The following CFAP298 variants were observed in gnomAD, a reference collection of about 807,000 sequenced individuals.
The protein encoded by CFAP298 is cilia- and flagella-associated protein 298.
Under a neutral mutation model 41.0 loss-of-function variants are expected in CFAP298, and 38 were observed. The observed-to-expected ratio is 0.93, with a 90% CI of 0.72 to 1.22. The LOEUF (loss-of-function observed/expected upper bound fraction) is 1.22, where lower values mean the gene tolerates loss of function less well. Among genes scored for constraint, CFAP298 ranks in the 50% most tolerant of loss-of-function variants. CFAP298 has a pLI of 0.00. For missense variants in CFAP298, 348 were observed against 360.3 expected (o/e 0.97, Z 0.28); for synonymous variants, 137 against 135.3 (o/e 1.01, Z -0.09).
chr21:32,600,816 G>C lies in CFAP298; in HGVS notation c.*1047C>G, dbSNP rs1328892908. ...AATCATCACCCTCTACCGGGATCTG[G>C]ATTTGTTTTCAGGATCTATTCTCAT... On this transcript the variant is annotated 3_prime_UTR_variant, in exon 7 of 7. Transcript: ENST00000290155. 6.6e-6 allele frequency among the ~76,000 whole-genome samples: 1 copy of C among 152,192 alleles called. No individual in the cohort carries two copies. The highest frequency in any genetic ancestry group is 1.5e-5 in the Non-Finnish European group (1 of 68,028).
At chr21:32,602,417 G>C in intron 5 of CFAP298, 50 bp from the exon 6 acceptor site, 1 of 1,581,292 alleles carries the variant, frequency 6.3e-7, no homozygotes. Context: ...TTCTTAGAGT[G>C]ACAATCCTGA....
At chr21:32,604,074 T>C in intron 4 of CFAP298, 51 bp downstream of exon 4, 1 of 1,578,136 alleles carries the variant, frequency 6.3e-7, no homozygotes, top group Non-Finnish European at 8.7e-7. Flanking sequence ...TCTTAAGGGC[T>C]TTGGGGGCCA....
chr21:32,604,109 C>T lies in CFAP298; in HGVS notation c.534+16G>A. The T allele has an allele frequency of 1.9e-6, 3 of 1,610,268 alleles. No individual in the cohort carries two copies. The highest frequency in any genetic ancestry group is 2.5e-6 in the Non-Finnish European group (3 of 1,177,620). Reference sequence around the variant, plus strand: ...AGGAACTCAACCTCCAGAGTACCCACTCACAAACTACGTACCTGTGTTCCC... The same window carrying T: ...AGGAACTCAACCTCCAGAGTACCCATTCACAAACTACGTACCTGTGTTCCC... On this transcript the variant is annotated intron_variant, in intron 4 of 6. Transcript: ENST00000290155.
At position 32,602,341 on chromosome 21, in the gene CFAP298, C is replaced by T. The variant is rs773792172; in HGVS notation, c.693G>A (p.Glu231=). ...QQRGQGAPAR[E]PIISSEEQKQ... ...TCTGCTCCTCACTGCTAATAATAGG[C>T]TCTCGGGCTGGAGCTCCCTGTCCCC... The change falls in exon 6 of 7, where the codon GAG becomes GAA. Residue 231 remains glutamate, a synonymous_variant. Coordinates refer to ENST00000290155, the MANE Select transcript of CFAP298 (RefSeq NM_021254.4). The T allele has an allele frequency of 1.2e-6, 2 of 1,613,824 alleles. No individual in the cohort carries two copies. Among genetic ancestry groups the T allele is most frequent in the East Asian group, 4.5e-5 (2 of 44,884 alleles).
At chr21:32,605,015 C>T (rs1019132269) in intron 3 of CFAP298, among the ~76,000 whole-genome samples, 1 of 152,196 alleles carries the variant, frequency 6.6e-6, no homozygotes, top group East Asian at 1.9e-4. Flanking sequence ...CCTGTCTCTA[C>T]TAAAAATACA....
chr21:32,611,770 C>T (rs149723249), intron 1 of CFAP298, among the ~76,000 whole-genome samples: 1 of 152,300 alleles, frequency 6.6e-6, no homozygotes, highest in Non-Finnish European at 1.5e-5. Flanking sequence ...CATCTCACCC[C>T]TCACACGTGA....
chr21:32,612,167 T>G lies in CFAP298; in HGVS notation c.77A>C (p.Glu26Ala), dbSNP rs138178722. Reference protein sequence around the residue: ...LQAPGSTELEELTVQVARVYN... With the variant: ...LQAPGSTELEALTVQVARVYN... ...GACCCGGGCCACCTGCACCGTGAGC[T>G]CCTCCAGCTCGGTACTCCCAGGCGC... The change falls in exon 1 of 7, where the codon GAG becomes GCG. Residue 26 changes from glutamate (E) to alanine (A), a missense_variant. Glu to Ala is a moderately radical substitution (Grantham distance 107). Coordinates refer to ENST00000290155, the MANE Select transcript of CFAP298 (RefSeq NM_021254.4). The G allele has an allele frequency of 1.9e-3, 2,973 of 1,597,998 alleles. 19 individuals carry two copies. In the Middle Eastern group the frequency reaches 0.022, roughly 12 times the overall value.
chr21:32,606,096 G>C (rs946253850), intron 3 of CFAP298, among the ~76,000 whole-genome samples: 9 of 152,218 alleles, frequency 5.9e-5, no homozygotes, highest in Admixed American at 2.6e-4. Flanking sequence ...AGACACTGTG[G>C]TTCTGTTACT....
Position 32,608,339 on chromosome 21 carries a change from T to C in CFAP298, c.308-623A>G. 2.0e-5 allele frequency among the ~76,000 whole-genome samples: 3 copies of C among 151,842 alleles called. No individual in the cohort carries two copies. The South Asian group carries it at 6.3e-4, about 32-fold the overall frequency. ...AGTATTAATTAGACATTGAAAATAT[T>C]AGAAACACAAGATTGTATTATAATA... On this transcript the variant is annotated intron_variant, in intron 2 of 6. Coordinates refer to ENST00000290155, the MANE Select transcript of CFAP298 (RefSeq NM_021254.4).
intron 2 of CFAP298, among the ~76,000 whole-genome samples, chr21:32,608,922 C>G (rs150548773): frequency 4.8e-4 from 73 of 152,250 alleles, no homozygotes; most frequent in African/African-American, 1.7e-3. Context: ...TTCTTTTACT[C>G]CTAACAGTGT....
At chr21:32,612,029 G>C in intron 1 of CFAP298, 76 bp downstream of exon 1, 1 of 1,430,602 alleles carries the variant, frequency 7.0e-7, no homozygotes, top group Non-Finnish European at 9.2e-7. Flanking sequence ...TGACCCCTCG[G>C]CCCACCCTGC....
At chr21:32,602,686 A>G in intron 5 of CFAP298, 5 of 1,247,276 alleles carry the variant, frequency 4.0e-6, no homozygotes, top group Non-Finnish European at 5.0e-6. Context: ...CATAAGGTGG[A>G]GGGCCCCATT....
intron 1 of CFAP298, 150 bp downstream of exon 1, chr21:32,611,955 G>A: frequency 1.0e-6 from 1 of 953,694 alleles, no homozygotes; most frequent in South Asian, 2.6e-5. Flanking sequence ...TTCATCTCCG[G>A]TTAACCCTAG....
chr21:32,603,379 G>A (rs968637429), intron 4 of CFAP298, 87 bp from the exon 5 acceptor site: 37 of 1,451,388 alleles, frequency 2.5e-5, no homozygotes, highest in Admixed American at 2.4e-4. Flanking sequence ...GGGGGCAGGG[G>A]ACAGATTTCT....
chr21:32,607,784 A>G, intron 2 of CFAP298, 68 bp from the exon 3 acceptor site: 2 of 923,824 alleles, frequency 2.2e-6, no homozygotes, highest in Non-Finnish European at 1.7e-6. Flanking sequence ...AAATACCTCA[A>G]TCCCCTCTGT....
intron 6 of CFAP298, 37 bp downstream of exon 6, chr21:32,602,235 C>T (rs764480518): frequency 3.5e-5 from 56 of 1,593,194 alleles, no homozygotes; most frequent in African/African-American, 1.7e-4. Context: ...TATGTGTGGG[C>T]GCCAGCACTG....
At chr21:32,606,869 A>G (rs998055209) in intron 3 of CFAP298, among the ~76,000 whole-genome samples, 21 of 152,226 alleles carry the variant, frequency 1.4e-4, no homozygotes, top group Non-Finnish European at 2.2e-4. Flanking sequence ...CATTATCTGT[A>G]TATCAATGGT....
intron 3 of CFAP298, chr21:32,604,522 C>T: frequency 2.0e-6 from 1 of 503,308 alleles, no homozygotes; most frequent in South Asian, 2.4e-5. Flanking sequence ...GCAAAGAATT[C>T]TCAAAGGAGA....
In CFAP298 at chr21:32,599,749, C is replaced by T. The variant is rs2236428; in HGVS notation, c.*2114G>A. Among the ~76,000 whole-genome samples the T allele has an allele frequency of 1.9e-4, 29 of 152,256 alleles. No homozygotes were observed. In the East Asian group the frequency reaches 5.6e-3, roughly 29 times the overall value. On this transcript the variant is annotated 3_prime_UTR_variant, in exon 7 of 7. Coordinates refer to ENST00000290155, the MANE Select transcript of CFAP298 (RefSeq NM_021254.4). ...GCCACAGCGGGCACCACCTGCCCCC[C>T]GCCGTCACAGATGGCTTGCAAATAA...
Sources: allele counts gnomAD v4.1 joint callset (sites outside exome capture counted in the v4.1 genomes callset), GRCh38; gene constraint gnomAD v4.1.1; transcripts MANE v1.5; gene names NCBI Gene and HGNC (gene_info 2026-07-23, HGNC 2026-07-21).